Variants in PRKCZ observed in about 807,000 individuals in gnomAD.
PRKCZ encodes the protein protein kinase C zeta type.
PRKCZ carries 33 observed loss-of-function variants against 79.5 expected under a neutral mutation model. The ratio of observed to expected loss-of-function variants is 0.41; its 90% confidence interval spans 0.31 to 0.55. The LOEUF is 0.55. Ranked by LOEUF, PRKCZ falls within the 20% of genes least tolerant of loss-of-function variation. The pLI is 0.19. For missense variants in PRKCZ, 578 were observed against 813.5 expected (o/e 0.71, Z 3.52); for synonymous variants, 342 against 320.9 (o/e 1.07, Z -0.70).
At chr1:2,160,989 CAGTG>C (rs950942750) in intron 10 of PRKCZ, among the ~76,000 whole-genome samples, 1 of 152,120 alleles carries the variant, frequency 6.6e-6, no homozygotes, top group Non-Finnish European at 1.5e-5. Context: ...GGGAAGGGCT[CAGTG>C]GGTGCCACAG....
At chr1:2,052,600 C>T (rs1159912395) in intron 1 of PRKCZ, among the ~76,000 whole-genome samples, 2 of 152,084 alleles carry the variant, frequency 1.3e-5, no homozygotes, top group African/African-American at 2.4e-5. Flanking sequence ...CCAGGTCCTC[C>T]TCCTCTCTGC....
chr1:2,142,103 C>A (rs1300159763), intron 5 of PRKCZ: 1 of 108,226 alleles, frequency 9.2e-6, no homozygotes, highest in African/African-American at 9.3e-5. Flanking sequence ...ACTCCAGGGT[C>A]CACACATCCA....
chr1:2,156,803 G>A (rs1351585272), intron 10 of PRKCZ: 5 of 152,448 alleles, frequency 3.3e-5, no homozygotes, highest in African/African-American at 9.7e-5. Context: ...CATGGTTTTT[G>A]TCAAGGGCTG....
rs376153159 is a variant in PRKCZ at position 2,167,753 on chromosome 1, C to T, written c.975-1765C>T. Reference sequence around the variant, plus strand: ...CCGAGTAGCTGAGATTACAGGTGCACACCACCAGCCCTGGGTCATTTTTGT... The same window carrying T: ...CCGAGTAGCTGAGATTACAGGTGCATACCACCAGCCCTGGGTCATTTTTGT... On this transcript the variant is annotated intron_variant, in intron 10 of 17. Coordinates refer to ENST00000378567, the MANE Select transcript of PRKCZ (RefSeq NM_002744.6). Among the ~76,000 whole-genome samples the T allele has an allele frequency of 2.6e-5, 4 of 152,158 alleles. No individual in the cohort carries two copies. The East Asian group carries it at 5.8e-4, about 22-fold the overall frequency.
In PRKCZ at chr1:2,175,241, C is replaced by T. The variant is rs567180909; in HGVS notation, c.1503C>T (p.Leu501=). The change falls in exon 16 of 18, where the codon CTC becomes CTT. Residue 501 remains leucine, a synonymous_variant. Transcript: ENST00000378567. ...GFLNKDPKER[L]GCRPQTGFSD... Reference sequence around the variant, plus strand: ...ACCTCCAGGACCCCAAAGAGAGGCTCGGCTGCCGGCCACAGACTGGATTTT... The same window carrying T: ...ACCTCCAGGACCCCAAAGAGAGGCTTGGCTGCCGGCCACAGACTGGATTTT... 2.2e-5 allele frequency: 35 copies of T among 1,613,716 alleles called. 1 individual carries two copies. The African/African-American group carries it at 2.8e-4, about 13-fold the overall frequency.
chr1:2,159,377 T>C (rs262652), intron 10 of PRKCZ, among the ~76,000 whole-genome samples: 35,906 of 152,266 alleles, frequency 0.24, 4,885 homozygotes, highest in Admixed American at 0.33. Context: ...TCTTTGTGCG[T>C]TGGTTCTGCT....
At chr1:2,181,760 T>C (rs1686659509) in intron 16 of PRKCZ, 1 of 453,570 alleles carries the variant, frequency 2.2e-6, no homozygotes, top group Admixed American at 2.4e-5. Context: ...TATTAAACCC[T>C]TGTAAAGCAG....
At chr1:2,078,029 C>G (rs1662760769) in intron 4 of PRKCZ, among the ~76,000 whole-genome samples, 1 of 152,246 alleles carries the variant, frequency 6.6e-6, no homozygotes. Flanking sequence ...TGTCTTGTCT[C>G]AAATTTACTC....
At chr1:2,151,049 C>T (rs1000177095) in intron 9 of PRKCZ, 71 bp downstream of exon 9, 8 of 1,542,052 alleles carry the variant, frequency 5.2e-6, no homozygotes, top group South Asian at 2.3e-5. Context: ...CGGGCTTTAG[C>T]GGAATTAATC....
intron 16 of PRKCZ, among the ~76,000 whole-genome samples, chr1:2,179,925 G>A (rs1686221498): frequency 6.6e-6 from 1 of 152,208 alleles, no homozygotes; most frequent in Non-Finnish European, 1.5e-5. Context: ...ACGCAGAGGA[G>A]GGCAGGTGAC....
upstream of PRKCZ, among the ~76,000 whole-genome samples, chr1:2,048,577 G>A (rs1659417771): frequency 6.6e-6 from 1 of 152,188 alleles, no homozygotes; most frequent in Non-Finnish European, 1.5e-5. Context: ...CTTCCCTCCA[G>A]GAGTGATGGG....
At chr1:2,069,087 C>A (rs558083159) in intron 4 of PRKCZ, among the ~76,000 whole-genome samples, 1 of 152,244 alleles carries the variant, frequency 6.6e-6, no homozygotes, top group Non-Finnish European at 1.5e-5. Flanking sequence ...ACATCTTGAA[C>A]GGCGTCCGTT....
chr1:2,089,844 C>T (rs751149114), intron 4 of PRKCZ, among the ~76,000 whole-genome samples: 8 of 152,058 alleles, frequency 5.3e-5, no homozygotes, highest in Non-Finnish European at 1.2e-4. Flanking sequence ...GTGGGAGGAC[C>T]TCTTGAGTGC....
chr1:2,059,972 G>C lies in PRKCZ; in HGVS notation c.334+381G>C, dbSNP rs117922571. On this transcript the variant is annotated intron_variant, in intron 4 of 17. Transcript: ENST00000378567. Reference sequence around the variant, plus strand: ...TCCCTGCTGGCCCCTGAGCTGGTGTGGGGGCTCCGTTCATCCCACACTGGC... The same window carrying C: ...TCCCTGCTGGCCCCTGAGCTGGTGTCGGGGCTCCGTTCATCCCACACTGGC... Among the ~76,000 whole-genome samples, 560 of 152,264 alleles carry C rather than the reference G, an allele frequency of 3.7e-3. 2 individuals are homozygous for C. Among genetic ancestry groups the C allele is most frequent in the Non-Finnish European group, 4.8e-3 (327 of 67,992 alleles).
At chr1:2,169,871 G>A (rs550259846) in intron 11 of PRKCZ, among the ~76,000 whole-genome samples, 26 of 151,690 alleles carry the variant, frequency 1.7e-4, no homozygotes, top group Non-Finnish European at 3.2e-4. Flanking sequence ...AGGGAGGGAA[G>A]TCCAGGTAGG....
At chr1:2,156,343 T>C in intron 10 of PRKCZ, 1 of 395,930 alleles carries the variant, frequency 2.5e-6, no homozygotes, top group South Asian at 2.4e-5. Context: ...GTGCAGGCAT[T>C]GGGTCAGGTG....
At chr1:2,053,098 C>A (rs989272385) in intron 1 of PRKCZ, among the ~76,000 whole-genome samples, 2 of 151,150 alleles carry the variant, frequency 1.3e-5, no homozygotes, top group South Asian at 4.2e-4. Flanking sequence ...GCTGGCTCTT[C>A]CCTCTTTCAG....
chr1:2,051,229 G>A (rs1273788521), intron 1 of PRKCZ, among the ~76,000 whole-genome samples: 1 of 150,856 alleles, frequency 6.6e-6, no homozygotes, highest in Non-Finnish European at 1.5e-5. Context: ...CGGTGGGGCC[G>A]AGACTGACCC....
chr1:2,054,589 C>T (rs1049546330), intron 1 of PRKCZ, among the ~76,000 whole-genome samples: 14 of 152,140 alleles, frequency 9.2e-5, no homozygotes, highest in Non-Finnish European at 1.6e-4. Context: ...AAAAATCTGC[C>T]GGGGCTTCTG....
Sources: allele counts gnomAD v4.1 joint callset (sites outside exome capture counted in the v4.1 genomes callset), GRCh38; gene constraint gnomAD v4.1.1; transcripts MANE v1.5; gene names NCBI Gene and HGNC (gene_info 2026-07-23, HGNC 2026-07-21).